SMYD3: variants seen among roughly 807,000 people sequenced by gnomAD.
SMYD3 encodes the protein SET and MYND domain containing 3.
SMYD3 carries 36 observed loss-of-function variants against 57.7 expected under a neutral mutation model. The observed-to-expected ratio is 0.62, with a 90% confidence interval of 0.48 to 0.82. The LOEUF (loss-of-function observed/expected upper bound fraction) is 0.82. Ranked by LOEUF, SMYD3 falls within the 40% of genes least tolerant of loss-of-function variation. The pLI is 0.00. For missense variants in SMYD3, 515 were observed against 538.8 expected (o/e 0.96, Z 0.44); for synonymous variants, 211 against 195.0 (o/e 1.08, Z -0.68).
Position 246,384,397 on chromosome 1 carries a change from C to A in SMYD3, c.165-29303G>T, listed in dbSNP as rs1181028611. Among the ~76,000 whole-genome samples, 3 of 151,922 alleles carry A rather than the reference C, an allele frequency of 2.0e-5. No individual in the cohort carries two copies. In the East Asian group the frequency reaches 5.8e-4, roughly 29 times the overall value. On this transcript the variant is annotated intron_variant, in intron 1 of 11. Transcript: ENST00000490107. ...AACAAAATTAGATTATATTTAGAAACAGAATTTTTTTTTTTTGAGACAGAG... is the reference window on the plus strand; with the variant it reads ...AACAAAATTAGATTATATTTAGAAAAAGAATTTTTTTTTTTTGAGACAGAG...
chr1:246,177,423 T>A (rs879931902), intron 5 of SMYD3, among the ~76,000 whole-genome samples: 1 of 152,178 alleles, frequency 6.6e-6, no homozygotes, highest in Non-Finnish European at 1.5e-5. Flanking sequence ...ATTCTAGACA[T>A]GGCAGCCTAC....
chr1:246,442,898 A>G (rs1328676667), intron 1 of SMYD3, among the ~76,000 whole-genome samples: 2 of 152,162 alleles, frequency 1.3e-5, no homozygotes, highest in Non-Finnish European at 2.9e-5. Flanking sequence ...GTTCTTCCAC[A>G]CTGTGCACTC....
chr1:246,113,016 C>T (rs1021225467), intron 5 of SMYD3, among the ~76,000 whole-genome samples: 2 of 151,896 alleles, frequency 1.3e-5, no homozygotes, highest in Non-Finnish European at 2.9e-5. Flanking sequence ...CCCAACTCTA[C>T]TAAAAATACA....
chr1:245,762,692 T>C (rs1031718173), intron 11 of SMYD3, among the ~76,000 whole-genome samples: 1 of 152,240 alleles, frequency 6.6e-6, no homozygotes, highest in Non-Finnish European at 1.5e-5. Flanking sequence ...GTAAAGGCGC[T>C]ATGGCTAGCA....
intron 1 of SMYD3, among the ~76,000 whole-genome samples, chr1:246,372,253 A>G (rs6672516): frequency 0.041 from 6,236 of 152,222 alleles, 428 homozygotes; most frequent in African/African-American, 0.14. Flanking sequence ...ATGCCTGCTG[A>G]CCCTCCTCTA....
chr1:246,248,033 A>G (rs1412761457), intron 5 of SMYD3, among the ~76,000 whole-genome samples: 1 of 152,132 alleles, frequency 6.6e-6, no homozygotes, highest in Non-Finnish European at 1.5e-5. Context: ...GATTCATTCT[A>G]TTGATGTAAG....
chr1:245,751,460 G>A (rs1000321610), intron 11 of SMYD3, among the ~76,000 whole-genome samples: 1 of 152,030 alleles, frequency 6.6e-6, no homozygotes. Flanking sequence ...TTCACCTCTT[G>A]AATGTTCCCT....
chr1:245,892,737 T>C (rs1183720223), intron 8 of SMYD3, among the ~76,000 whole-genome samples: 1 of 152,326 alleles, frequency 6.6e-6, no homozygotes, highest in East Asian at 1.9e-4. Flanking sequence ...TAACTGAAAA[T>C]GGATCAAATT....
chr1:245,763,480 C>T (rs55693730), intron 11 of SMYD3, among the ~76,000 whole-genome samples: 12,721 of 152,100 alleles, frequency 0.084, 787 homozygotes, highest in East Asian at 0.31. Context: ...ATGCGGAGAG[C>T]ACTTAAGGCA....
At chr1:246,110,623 T>G (rs1438277741) in intron 5 of SMYD3, among the ~76,000 whole-genome samples, 2 of 152,034 alleles carry the variant, frequency 1.3e-5, no homozygotes, top group African/African-American at 2.4e-5. Flanking sequence ...TCTGGTGCTC[T>G]CTCTCTTTCT....
At chr1:246,397,042 G>C (rs984194831) in intron 1 of SMYD3, among the ~76,000 whole-genome samples, 1 of 152,158 alleles carries the variant, frequency 6.6e-6, no homozygotes, top group Non-Finnish European at 1.5e-5. Context: ...CCTTAGGATG[G>C]GTATGCTCTT....
At chr1:246,446,744 C>A (rs2067555679) in intron 1 of SMYD3, among the ~76,000 whole-genome samples, 2 of 152,118 alleles carry the variant, frequency 1.3e-5, no homozygotes, top group Admixed American at 1.3e-4. Context: ...GAAATGGCAT[C>A]CTAGGCCGGG....
At chr1:246,305,027 G>A (rs888774904) in intron 5 of SMYD3, among the ~76,000 whole-genome samples, 1 of 152,150 alleles carries the variant, frequency 6.6e-6, no homozygotes, top group Admixed American at 6.5e-5. Flanking sequence ...GAAGATAGAA[G>A]CTAAATTCTC....
chr1:246,285,590 C>G (rs932726624), intron 5 of SMYD3, among the ~76,000 whole-genome samples: 2 of 151,948 alleles, frequency 1.3e-5, no homozygotes, highest in Non-Finnish European at 2.9e-5. Context: ...TAGGCAAAGA[C>G]TTCATGACCA....
intron 5 of SMYD3, among the ~76,000 whole-genome samples, chr1:246,201,053 C>A (rs948427738): frequency 4.1e-4 from 62 of 152,338 alleles, no homozygotes; most frequent in African/African-American, 1.5e-3. Flanking sequence ...AAATCTTTTT[C>A]ATTCAATCAA....
At chr1:246,419,784 G>A (rs1025292247) in intron 1 of SMYD3, among the ~76,000 whole-genome samples, 17 of 152,174 alleles carry the variant, frequency 1.1e-4, no homozygotes, top group African/African-American at 4.1e-4. Flanking sequence ...GATGATCCAA[G>A]GTGGAATAGT....
At chr1:245,904,285 T>C (rs1193523062) in intron 8 of SMYD3, among the ~76,000 whole-genome samples, 2 of 152,178 alleles carry the variant, frequency 1.3e-5, no homozygotes, top group Non-Finnish European at 2.9e-5. Context: ...TCTGCCACCA[T>C]GTAAGACATG....
intron 8 of SMYD3, among the ~76,000 whole-genome samples, chr1:245,902,633 AG>A (rs1434979392): frequency 6.6e-6 from 1 of 152,230 alleles, no homozygotes; most frequent in Non-Finnish European, 1.5e-5. Flanking sequence ...TGTGCCAACA[AG>A]GGGCCTAAGA....
intron 11 of SMYD3, among the ~76,000 whole-genome samples, chr1:245,756,782 T>C (rs1211451385): frequency 1.3e-5 from 2 of 148,710 alleles, no homozygotes; most frequent in Non-Finnish European, 3.0e-5. Flanking sequence ...GTCATTTTTC[T>C]CTTGCTGCTT....
Sources: allele counts gnomAD v4.1 joint callset (sites outside exome capture counted in the v4.1 genomes callset), GRCh38; gene constraint gnomAD v4.1.1; transcripts MANE v1.5; gene names NCBI Gene and HGNC (gene_info 2026-07-23, HGNC 2026-07-21).